The following FRMD6 variants were observed in gnomAD, a reference collection of about 807,000 sequenced individuals.
FRMD6 encodes the protein FERM domain containing 6.
Under a neutral mutation model 73.2 loss-of-function variants are expected in FRMD6, and 37 were observed. The observed-to-expected ratio is 0.51, with a 90% CI of 0.39 to 0.66. FRMD6 has a LOEUF of 0.66. Among genes scored for constraint, FRMD6 ranks in the 30% least tolerant of loss-of-function variants. FRMD6 has a pLI of 0.00. For synonymous variants in FRMD6, 273 were observed against 282.2 expected, an observed-to-expected ratio of 0.97 and a Z score of 0.33; for missense variants, 714 against 780.5, an observed-to-expected ratio of 0.91 and a Z score of 1.02.
chr14:51,578,195 C>T (rs1004511908), intron 2 of FRMD6, among the ~76,000 whole-genome samples: 2 of 152,036 alleles, frequency 1.3e-5, no homozygotes, highest in East Asian at 3.9e-4. Flanking sequence ...GGAAAGCTAC[C>T]GTTGATGCCA....
At chr14:51,575,107 A>T (rs1328965203) in intron 2 of FRMD6, among the ~76,000 whole-genome samples, 1 of 152,180 alleles carries the variant, frequency 6.6e-6, no homozygotes, top group African/African-American at 2.4e-5. Context: ...GCCTAGAGAG[A>T]TGATGCCCCA....
At chr14:51,402,446 A>G in the FRMD6 span, among the ~76,000 whole-genome samples, 1 of 152,050 alleles carries the variant, frequency 6.6e-6, no homozygotes, top group Non-Finnish European at 1.5e-5. Flanking sequence ...GCCTCACAAG[A>G]TCTGAAGGTT....
At chr14:51,640,107 G>A (rs939381707) in intron 2 of FRMD6, among the ~76,000 whole-genome samples, 2 of 152,104 alleles carry the variant, frequency 1.3e-5, no homozygotes, top group Non-Finnish European at 2.9e-5. Flanking sequence ...TACAGTTTTA[G>A]TTATTCCATT....
intron 6 of FRMD6, among the ~76,000 whole-genome samples, chr14:51,707,598 G>T (rs1896697125): frequency 6.6e-6 from 1 of 152,216 alleles, no homozygotes; most frequent in African/African-American, 2.4e-5. Context: ...ATGTTTTAGA[G>T]AATTTCTCCC....
chr14:51,576,632 A>G (rs1468563232), intron 2 of FRMD6, among the ~76,000 whole-genome samples: 2 of 152,112 alleles, frequency 1.3e-5, no homozygotes, highest in Non-Finnish European at 2.9e-5. Context: ...CACGTTCTTC[A>G]TCTTCTCTTT....
At chr14:51,559,698 C>T (rs1190053301) in intron 1 of FRMD6, among the ~76,000 whole-genome samples, 1 of 152,050 alleles carries the variant, frequency 6.6e-6, no homozygotes, top group Non-Finnish European at 1.5e-5. Context: ...CAGAACCTTC[C>T]TTTGAATATT....
intron 2 of FRMD6, among the ~76,000 whole-genome samples, chr14:51,595,156 T>C (rs1889640897): frequency 6.6e-6 from 1 of 152,184 alleles, no homozygotes. Context: ...ACTAAGTAGA[T>C]GCTTAAGCAA....
intron 2 of FRMD6, among the ~76,000 whole-genome samples, chr14:51,696,751 C>CAA (rs34528270): frequency 7.8e-4 from 98 of 125,524 alleles, no homozygotes; most frequent in East Asian, 3.8e-3. Flanking sequence ...CCTGTCTCTA[C>CAA]AAAAAAAAAA....
At chr14:51,459,885 T>TC in the FRMD6 span, among the ~76,000 whole-genome samples, 197 of 43,524 alleles carry the variant, frequency 4.5e-3, 3 homozygotes, top group African/African-American at 0.017. Flanking sequence ...ACTGACTCTC[T>TC]TTTTTTTTTT....
At chr14:51,693,229 A>G (rs1895724643) in intron 2 of FRMD6, among the ~76,000 whole-genome samples, 1 of 152,180 alleles carries the variant, frequency 6.6e-6, no homozygotes, top group Non-Finnish European at 1.5e-5. Context: ...CTTACGCTGC[A>G]GGGTGATTGT....
chr14:51,558,054 TTAA>T (rs1434350445), intron 1 of FRMD6, among the ~76,000 whole-genome samples: 1 of 152,258 alleles, frequency 6.6e-6, no homozygotes, highest in Non-Finnish European at 1.5e-5. Context: ...TGATTTTTTG[TTAA>T]TAATTTGTTT....
At chr14:51,469,485 C>G in the FRMD6 span, among the ~76,000 whole-genome samples, 9 of 151,214 alleles carry the variant, frequency 6.0e-5, no homozygotes, top group South Asian at 1.7e-3. Context: ...TGGTGGCAGG[C>G]CCCTGTAGTC....
At chr14:51,506,404 A>G (rs567891484) in intron 1 of FRMD6, among the ~76,000 whole-genome samples, 46 of 152,382 alleles carry the variant, frequency 3.0e-4, no homozygotes, top group African/African-American at 1.1e-3. Context: ...TGAAGAGGAT[A>G]CTGGCGAAAA....
At chr14:51,427,448 C>T in the FRMD6 span, among the ~76,000 whole-genome samples, 1 of 152,146 alleles carries the variant, frequency 6.6e-6, no homozygotes, top group East Asian at 1.9e-4. Flanking sequence ...TATGAAGAAC[C>T]TTATGGGAGG....
At chr14:51,536,097 T>TATAGAG in intron 1 of FRMD6, among the ~76,000 whole-genome samples, 1 of 135,844 alleles carries the variant, frequency 7.4e-6, no homozygotes, top group Non-Finnish European at 1.5e-5. Flanking sequence ...TATATATATA[T>TATAGAG]AGAGAGAGAG....
the FRMD6 span, among the ~76,000 whole-genome samples, chr14:51,412,457 G>A: frequency 0.03 from 4,505 of 152,022 alleles, 161 homozygotes; most frequent in African/African-American, 0.077. Context: ...GGAAAGGGTG[G>A]GATATTGAGA....
intron 1 of FRMD6, among the ~76,000 whole-genome samples, chr14:51,566,878 G>A (rs1366273045): frequency 6.6e-6 from 1 of 152,202 alleles, no homozygotes. Context: ...TGAGAGGGCA[G>A]GATCGCTTGT....
the FRMD6 span, chr14:51,436,122 ACTTCTG>A: frequency 4.3e-6 from 1 of 234,748 alleles, no homozygotes; most frequent in Non-Finnish European, 8.3e-6. Context: ...GAAGACATTG[ACTTCTG>A]CAGGCTTACT....
chr14:51,714,657 A>G (rs1018222430), intron 9 of FRMD6: 25 of 152,262 alleles, frequency 1.6e-4, no homozygotes, highest in South Asian at 4.2e-4. Context: ...CATACCTCCA[A>G]CTACCAGCTC....
Sources: allele counts gnomAD v4.1 joint callset (sites outside exome capture counted in the v4.1 genomes callset), GRCh38; gene constraint gnomAD v4.1.1; transcripts MANE v1.5; gene names NCBI Gene and HGNC (gene_info 2026-07-23, HGNC 2026-07-21).